The following LSP1 variants were observed in gnomAD, a reference collection of about 807,000 sequenced individuals.
The protein encoded by LSP1 is lymphocyte specific protein 1.
A neutral mutation model predicts 49.3 loss-of-function variants in LSP1; 32 were observed. The observed-to-expected ratio is 0.65, with a 90% CI of 0.49 to 0.87. The LOEUF (loss-of-function observed/expected upper bound fraction) is 0.87. Ranked by LOEUF, LSP1 falls within the 40% of genes least tolerant of loss-of-function variation. LSP1 has a pLI of 0.00. For missense variants in LSP1, 428 were observed against 442.6 expected, an observed-to-expected ratio of 0.97 and a Z score of 0.30; for synonymous variants, 179 against 178.8, an observed-to-expected ratio of 1.00 and a Z score of -0.01.
At chr11:1,868,559 C>G (rs1012527615) in intron 1 of LSP1, 26 of 747,540 alleles carry the variant, frequency 3.5e-5, no homozygotes, top group African/African-American at 3.8e-5. Flanking sequence ...GCTGGGCTGG[C>G]CCTGAGGGGG....
chr11:1,855,715 G>A (rs61868761), intron 1 of LSP1, among the ~76,000 whole-genome samples: 37,038 of 152,150 alleles, frequency 0.24, 5,514 homozygotes, highest in Admixed American at 0.33. Context: ...GTCTCGCCCC[G>A]CTGTCCAGCA....
At chr11:1,866,008 GGC>G (rs1365702743) in intron 1 of LSP1, among the ~76,000 whole-genome samples, 2 of 152,060 alleles carry the variant, frequency 1.3e-5, no homozygotes, top group Admixed American at 1.3e-4. Flanking sequence ...GTAGTGGTGT[GGC>G]CCTTCATGGG....
intron 1 of LSP1, chr11:1,869,184 C>T (rs1847891274): frequency 4.4e-6 from 1 of 225,118 alleles, no homozygotes; most frequent in Non-Finnish European, 8.1e-6. Flanking sequence ...GGCTGCTACC[C>T]ATGACGGGTT....
In LSP1 at chr11:1,855,652, G is replaced by C. The variant is rs563408862; in HGVS notation, c.53+2455G>C. Among the ~76,000 whole-genome samples, 8 of 152,320 alleles carry C rather than the reference G, an allele frequency of 5.3e-5. No individual in the cohort carries two copies. In the East Asian group the frequency reaches 1.5e-3, roughly 29 times the overall value. On this transcript the variant is annotated intron_variant, in intron 1 of 10. Coordinates refer to ENST00000311604, the MANE Select transcript of LSP1 (RefSeq NM_002339.3). ...TGACCCTGGGCGGGGTCCAGGCTCC[G>C]CTTCGGCTACCAGCCAGGCTGGACT...
intron 1 of LSP1, among the ~76,000 whole-genome samples, chr11:1,853,457 A>C (rs896383605): frequency 6.6e-6 from 1 of 152,162 alleles, no homozygotes; most frequent in Non-Finnish European, 1.5e-5. Context: ...GGCGCGTGGG[A>C]TCCTAAGCCC....
chr11:1,855,313 C>T (rs1192721478), intron 1 of LSP1, among the ~76,000 whole-genome samples: 1 of 152,172 alleles, frequency 6.6e-6, no homozygotes, highest in Admixed American at 6.5e-5. Flanking sequence ...CCAGGAAGGC[C>T]CAGGCTGGGC....
chr11:1,890,107 G>A (rs1848930968), intron 10 of LSP1: 1 of 717,028 alleles, frequency 1.4e-6, no homozygotes, highest in Non-Finnish European at 2.6e-6. Context: ...GGCCGGGTAG[G>A]TTCTGGGGCC....
At position 1,883,650 on chromosome 11, in the gene LSP1, G is replaced by A. The variant is rs186913921; in HGVS notation, c.498+90G>A. On this transcript the variant is annotated intron_variant, in intron 4 of 10. Transcript: ENST00000311604. ...TCTGCACCACTCTGTGGGCCCTGTG[G>A]GTCTAGCCCAGAGTGGGTCAGCACC... 175 of 1,485,458 alleles carry A rather than the reference G, an allele frequency of 1.2e-4. No homozygotes were observed. The African/African-American group carries it at 2.0e-3, about 17-fold the overall frequency. The allele number at this position is 1,485,458 out of a possible 1,614,324, so 92.0% of individuals were successfully genotyped here. A position where few individuals can be genotyped will look rare whatever the true frequency, so the allele number is the denominator to read the frequency against.
intron 1 of LSP1, among the ~76,000 whole-genome samples, chr11:1,859,030 A>G (rs895325073): frequency 1.3e-5 from 2 of 152,154 alleles, no homozygotes; most frequent in Admixed American, 1.3e-4. Context: ...AGGGCCTCTG[A>G]GTCCCCTGTA....
chr11:1,864,171 C>T (rs145042829), intron 1 of LSP1: 139 of 982,846 alleles, frequency 1.4e-4, no homozygotes, highest in Non-Finnish European at 1.6e-4. Context: ...GGGCTGAGTG[C>T]GAGACGGGGA....
At chr11:1,877,678 C>T (rs2334380) in intron 1 of LSP1, among the ~76,000 whole-genome samples, 4 of 152,230 alleles carry the variant, frequency 2.6e-5, no homozygotes, top group Non-Finnish European at 4.4e-5. Context: ...TGTCTGCACA[C>T]GCACGTGGAT....
At chr11:1,879,972 G>A in intron 1 of LSP1, 115 bp from the exon 2 acceptor site, 2 of 1,305,606 alleles carry the variant, frequency 1.5e-6, no homozygotes, top group Non-Finnish European at 2.1e-6. Context: ...TGACCTCGTG[G>A]ACAGGGCTGC....
chr11:1,883,608 T>C (rs1589829510), intron 4 of LSP1, 48 bp downstream of exon 4: 2 of 1,557,320 alleles, frequency 1.3e-6, no homozygotes, highest in Admixed American at 3.9e-5. Flanking sequence ...ACCCCAGGGA[T>C]GAGTCTGCCT....
chr11:1,872,696 A>G (rs1481418142), intron 1 of LSP1, among the ~76,000 whole-genome samples: 4,159 of 42,834 alleles, frequency 0.097, no homozygotes, highest in African/African-American at 0.11. Flanking sequence ...TGGCGGGCAG[A>G]CCTGGGCTGT....
intron 1 of LSP1, chr11:1,868,545 G>A: frequency 1.6e-6 from 1 of 619,876 alleles, no homozygotes; most frequent in Non-Finnish European, 2.0e-6. Flanking sequence ...TGGGCTGGCA[G>A]CCTGCTGGGC....
intron 1 of LSP1, chr11:1,870,310 G>C: frequency 2.3e-6 from 3 of 1,296,532 alleles, no homozygotes; most frequent in Non-Finnish European, 3.0e-6. Flanking sequence ...CCATCCTGGG[G>C]CTTGGCAGGG....
chr11:1,859,805 C>T (rs1254866492), intron 1 of LSP1, among the ~76,000 whole-genome samples: 1 of 150,880 alleles, frequency 6.6e-6, no homozygotes, highest in Non-Finnish European at 1.5e-5. Context: ...GAACAGAGGG[C>T]CACACTGAAC....
chr11:1,869,693 G>A, intron 1 of LSP1: 1 of 470,838 alleles, frequency 2.1e-6, no homozygotes, highest in South Asian at 1.5e-5. Flanking sequence ...GATCAAAGAA[G>A]CGAGAAATGG....
chr11:1,879,357 C>T (rs1223249837), intron 1 of LSP1, among the ~76,000 whole-genome samples: 1 of 152,108 alleles, frequency 6.6e-6, no homozygotes, highest in Admixed American at 6.5e-5. Flanking sequence ...AACAAACAAA[C>T]AAAAGAAACA....
Sources: allele counts gnomAD v4.1 joint callset (sites outside exome capture counted in the v4.1 genomes callset), GRCh38; gene constraint gnomAD v4.1.1; transcripts MANE v1.5; gene names NCBI Gene and HGNC (gene_info 2026-07-23, HGNC 2026-07-21).